Variants in EDIL3 observed in about 807,000 individuals in gnomAD.
EDIL3 encodes EGF-like repeat and discoidin I-like domain-containing protein 3.
EDIL3 carries 37 observed loss-of-function variants against 67.4 expected under a neutral mutation model. The observed-to-expected ratio is 0.55, with a 90% CI of 0.42 to 0.72. The LOEUF (loss-of-function observed/expected upper bound fraction) is 0.72, where lower values mean the gene tolerates loss of function less well. EDIL3 is among the 30% of genes least tolerant of loss of function. The pLI, the probability that EDIL3 is intolerant of heterozygous loss-of-function variation, is 0.00. For synonymous variants in EDIL3, 195 were observed against 196.3 expected (o/e 0.99, Z 0.05); for missense variants, 527 against 586.3 (o/e 0.90, Z 1.04).
At chr5:84,157,294 C>A (rs113269320) in intron 4 of EDIL3, among the ~76,000 whole-genome samples, 1 of 151,774 alleles carries the variant, frequency 6.6e-6, no homozygotes. Context: ...ATATAACAAA[C>A]CTGCACATGT....
At chr5:84,007,993 G>A (rs1401358611) in intron 9 of EDIL3, among the ~76,000 whole-genome samples, 1 of 152,100 alleles carries the variant, frequency 6.6e-6, no homozygotes, top group Non-Finnish European at 1.5e-5. Context: ...GGATAAAACT[G>A]GAGGACATCA....
chr5:84,000,007 GA>G (rs70975533), intron 9 of EDIL3, among the ~76,000 whole-genome samples: 90,492 of 147,236 alleles, frequency 0.61, 28,326 homozygotes, highest in East Asian at 0.89. Flanking sequence ...AGTGCTAAAG[GA>G]AAAAAAAAAA....
intron 3 of EDIL3, among the ~76,000 whole-genome samples, chr5:84,213,840 A>G (rs1240553985): frequency 6.6e-6 from 1 of 152,204 alleles, no homozygotes; most frequent in African/African-American, 2.4e-5. Flanking sequence ...TTGAAAATAA[A>G]TTACTTGAAG....
intron 5 of EDIL3, among the ~76,000 whole-genome samples, chr5:84,108,170 G>A (rs1223151782): frequency 1.3e-5 from 2 of 151,650 alleles, no homozygotes; most frequent in Non-Finnish European, 1.5e-5. Context: ...AATATTAGGA[G>A]CCAAATTATA....
chr5:84,001,078 T>C (rs1745322489), intron 9 of EDIL3, among the ~76,000 whole-genome samples: 1 of 152,016 alleles, frequency 6.6e-6, no homozygotes, highest in Non-Finnish European at 1.5e-5. Flanking sequence ...TGAGACAGAA[T>C]CTCTGTTGCC....
intron 9 of EDIL3, among the ~76,000 whole-genome samples, chr5:84,036,552 A>AT (rs1359517976): frequency 2.0e-5 from 3 of 152,164 alleles, no homozygotes; most frequent in Admixed American, 2.0e-4. Context: ...ATTTTAAGAC[A>AT]TTTTGTTGAA....
In EDIL3 at chr5:84,264,431, C is replaced by G. The variant is rs534162990; in HGVS notation, c.68-10219G>C. Among the ~76,000 whole-genome samples the G allele has an allele frequency of 3.3e-5, 5 of 152,206 alleles. No individual in the cohort carries two copies. In the East Asian group the frequency reaches 7.7e-4, roughly 24 times the overall value. On this transcript the variant is annotated intron_variant, in intron 1 of 10. Coordinates refer to ENST00000296591, the MANE Select transcript of EDIL3 (RefSeq NM_005711.5). ...GGAGGGAAAGTACTGAGGGCCCACACAAGAACTTAAAATGTCAACATGTAC... is the reference window on the plus strand; with the variant it reads ...GGAGGGAAAGTACTGAGGGCCCACAGAAGAACTTAAAATGTCAACATGTAC...
chr5:84,367,774 A>C lies in EDIL3; in HGVS notation c.67+16534T>G, dbSNP rs142232956. ...CTCCAGCCGTAGATGATGGAGCGAG[A>C]CTCTGTCTAAAAATTTCTACCCCAT... On this transcript the variant is annotated intron_variant, in intron 1 of 10. Coordinates refer to ENST00000296591, the MANE Select transcript of EDIL3 (RefSeq NM_005711.5). Among the ~76,000 whole-genome samples the C allele has an allele frequency of 5.5e-3, 841 of 152,060 alleles. 4 individuals are homozygous for C. The highest frequency in any genetic ancestry group is 7.2e-3 in the Non-Finnish European group (489 of 67,998).
At position 84,384,223 on chromosome 5, in the gene EDIL3, G is replaced by A. The variant is rs530709405; in HGVS notation, c.67+85C>T. On this transcript the variant is annotated intron_variant, in intron 1 of 10. Transcript: ENST00000296591. ...GCTCGCCACCCTTGGCACGCCGGAG[G>A]GACCGCCTCCGGCCCCCTGCGCGGC... 2.1e-5 allele frequency: 32 copies of A among 1,499,538 alleles called. No homozygotes were observed. The Admixed American group carries it at 4.7e-4, about 22-fold the overall frequency. 92.9% of individuals were successfully genotyped at this position (1,499,538 alleles called of 1,614,324 possible).
At chr5:84,031,765 T>C (rs1175522601) in intron 9 of EDIL3, among the ~76,000 whole-genome samples, 1 of 152,228 alleles carries the variant, frequency 6.6e-6, no homozygotes, top group East Asian at 1.9e-4. Context: ...CAGTCTGTAG[T>C]ATTTTTGTTA....
chr5:83,970,661 A>G (rs927639880), intron 9 of EDIL3, among the ~76,000 whole-genome samples: 2,252 of 141,844 alleles, frequency 0.016, 98 homozygotes, highest in African/African-American at 0.056. Context: ...ATATATATAT[A>G]TATATATATA....
intron 9 of EDIL3, among the ~76,000 whole-genome samples, chr5:84,013,881 A>G (rs1401290624): frequency 6.6e-6 from 1 of 152,188 alleles, no homozygotes; most frequent in African/African-American, 2.4e-5. Flanking sequence ...ATTTGGTTGA[A>G]AAGTTGGTCA....
intron 8 of EDIL3, among the ~76,000 whole-genome samples, chr5:84,061,521 C>G (rs570255982): frequency 6.6e-6 from 1 of 152,146 alleles, no homozygotes; most frequent in South Asian, 2.1e-4. Context: ...ATCAAAGAAA[C>G]AAAGATGACA....
In EDIL3 at chr5:84,252,493, C is replaced by CAAAAAAAAAAAAAAAAAAAAAAAA. The variant is rs70975548; in HGVS notation, c.196+1567_196+1590dup. On this transcript the variant is annotated intron_variant, in intron 2 of 10. Transcript: ENST00000296591. ...TGTGCGACAAAGTGAGACTCCGTCT[C>CAAAAAAAAAAAAAAAAAAAAAAAA]AAAAAAAAAAAAAAAAAAAAAAAAA... 6.7e-3 allele frequency among the ~76,000 whole-genome samples: 195 copies of CAAAAAAAAAAAAAAAAAAAAAAAA among 28,940 alleles called. 44 individuals carry two copies. Among genetic ancestry groups the CAAAAAAAAAAAAAAAAAAAAAAAA allele is most frequent in the East Asian group, 0.022 (8 of 366 alleles). 19.0% of individuals were successfully genotyped at this position (28,940 alleles called of 152,430 possible). A position where few individuals can be genotyped will look rare whatever the true frequency, so the allele number is the denominator to read the frequency against.
intron 1 of EDIL3, among the ~76,000 whole-genome samples, chr5:84,260,502 TC>T (rs1268376468): frequency 1.3e-5 from 2 of 152,226 alleles, no homozygotes; most frequent in Non-Finnish European, 2.9e-5. Context: ...TTCCTGGTAA[TC>T]AAGGGCAATT....
intron 6 of EDIL3, among the ~76,000 whole-genome samples, chr5:84,071,861 C>T (rs1251095245): frequency 6.6e-6 from 1 of 152,080 alleles, no homozygotes; most frequent in Non-Finnish European, 1.5e-5. Flanking sequence ...TACCGGCACA[C>T]ATGGAGACAG....
intron 1 of EDIL3, among the ~76,000 whole-genome samples, chr5:84,352,610 T>A (rs1340373284): frequency 6.6e-6 from 1 of 151,784 alleles, no homozygotes; most frequent in East Asian, 1.9e-4. Context: ...ACATACAGAG[T>A]AGAATAATAG....
At chr5:84,011,124 C>T (rs6862953) in intron 9 of EDIL3, among the ~76,000 whole-genome samples, 7,667 of 152,178 alleles carry the variant, frequency 0.05, 616 homozygotes, top group African/African-American at 0.17. Context: ...ATAACATTGC[C>T]TTCTGTTTCC....
intron 4 of EDIL3, among the ~76,000 whole-genome samples, chr5:84,164,686 A>G (rs1748674623): frequency 6.6e-6 from 1 of 152,124 alleles, no homozygotes; most frequent in Admixed American, 6.6e-5. Context: ...TCATTTACCC[A>G]ATATATTTTG....
Sources: gnomAD v4.1 joint callset for allele counts (sites outside exome capture counted in the v4.1 genomes callset) on GRCh38, gnomAD v4.1.1 for gene constraint, MANE v1.5 for transcripts, NCBI Gene and HGNC (gene_info 2026-07-23, HGNC 2026-07-21) for gene names.